The following RPA1 variants were observed in gnomAD, a reference collection of about 807,000 sequenced individuals.
RPA1 encodes the protein replication protein A1.
Under a neutral mutation model 83.0 loss-of-function variants are expected in RPA1, and 49 were observed. That is an observed-to-expected ratio of 0.59 (90% CI 0.47 to 0.75). RPA1 has a LOEUF of 0.75. RPA1 is among the 30% of genes least tolerant of loss of function. RPA1 has a pLI of 0.00. For missense variants in RPA1, 693 were observed against 776.1 expected, an observed-to-expected ratio of 0.89 and a Z score of 1.27; for synonymous variants, 279 against 281.8, an observed-to-expected ratio of 0.99 and a Z score of 0.10.
chr17:1,865,512 T>A (rs758851641), intron 5 of RPA1, among the ~76,000 whole-genome samples: 1 of 152,234 alleles, frequency 6.6e-6, no homozygotes, highest in Non-Finnish European at 1.5e-5. Flanking sequence ...TAATCTTGAA[T>A]AGATAATATG....
chr17:1,843,596 T>TTTATTATTA (rs1198896811), intron 2 of RPA1, among the ~76,000 whole-genome samples: 1 of 70,048 alleles, frequency 1.4e-5, no homozygotes, highest in African/African-American at 4.5e-5. Context: ...TATTGGGTGC[T>TTTATTATTA]TCATTATTAT....
intron 1 of RPA1, among the ~76,000 whole-genome samples, chr17:1,840,178 G>A (rs1437904850): frequency 6.6e-6 from 1 of 152,058 alleles, no homozygotes; most frequent in East Asian, 1.9e-4. Context: ...TTGTCACCCA[G>A]GCTGGAGTGC....
At chr17:1,880,402 T>C in intron 11 of RPA1, 141 bp from the exon 12 acceptor site, 2 of 774,778 alleles carry the variant, frequency 2.6e-6, no homozygotes, top group Non-Finnish European at 4.1e-6. Context: ...TAGATTCTCA[T>C]GTGTGAGGTC....
At chr17:1,892,036 T>G in intron 15 of RPA1, 96 bp downstream of exon 15, 1 of 716,248 alleles carries the variant, frequency 1.4e-6, no homozygotes, top group Non-Finnish European at 2.2e-6. Flanking sequence ...AGATGGAGTC[T>G]TGCCCTGTTT....
At chr17:1,867,008 G>A (rs903160556) in intron 5 of RPA1, among the ~76,000 whole-genome samples, 2 of 152,204 alleles carry the variant, frequency 1.3e-5, no homozygotes, top group Admixed American at 6.5e-5. Context: ...AGAGTGGGAA[G>A]ATGTGGGGCT....
chr17:1,863,174 C>T (rs543610886), intron 5 of RPA1, among the ~76,000 whole-genome samples: 9 of 107,348 alleles, frequency 8.4e-5, no homozygotes, highest in East Asian at 5.5e-4. Context: ...TGAACCACCA[C>T]GCCCAACTAA....
At chr17:1,869,796 C>A (rs1913312052) in intron 5 of RPA1, among the ~76,000 whole-genome samples, 1 of 152,154 alleles carries the variant, frequency 6.6e-6, no homozygotes, top group African/African-American at 2.4e-5. Flanking sequence ...TTGCCATTCA[C>A]AACATGCACT....
Position 1,884,631 on chromosome 17 carries a change from GTAT to G in RPA1, c.1374+688_1374+690del, listed in dbSNP as rs1403304771. Among the ~76,000 whole-genome samples the G allele has an allele frequency of 6.6e-6, 1 of 151,982 alleles. No homozygotes were observed. The highest frequency in any genetic ancestry group is 2.4e-5 in the African/African-American group (1 of 41,352). The stretch of plus-strand genomic sequence containing the variant: ...TTCATTCCTCCTGTCTCATTTCACT[GTAT>G]ACCCTTATCCATCATTGTCAACAGC... On this transcript the variant is annotated intron_variant, in intron 13 of 16. Coordinates refer to ENST00000254719, the MANE Select transcript of RPA1 (RefSeq NM_002945.5). This position sits in a 1 kb window ranked among gnomAD's most constrained non-coding sequence, Gnocchi z 4.1.
At chr17:1,856,176 T>A (rs1026180965) in intron 5 of RPA1, among the ~76,000 whole-genome samples, 4 of 151,636 alleles carry the variant, frequency 2.6e-5, no homozygotes, top group African/African-American at 9.7e-5. Context: ...ATACAAAAAA[T>A]TAGCTGGATG....
rs188119734 is a variant in RPA1, at chr17:1,847,643, G to A, written c.272+2957G>A. Among the ~76,000 whole-genome samples, 7 of 152,222 alleles carry A rather than the reference G, an allele frequency of 4.6e-5. No homozygotes were observed. In the East Asian group the frequency reaches 5.8e-4, roughly 13 times the overall value. On this transcript the variant is annotated intron_variant, in intron 4 of 16. Transcript: ENST00000254719. ...TTAACGTGTTTATGCTTTTATTTCT[G>A]AATAACAGATCATTAGAATTTGTAT...
rs940434952 is a variant in RPA1, at chr17:1,898,077, C to G, written c.*902C>G. The G allele has an allele frequency of 6.6e-6, 1 of 152,166 alleles. No individual in the cohort carries two copies. Among genetic ancestry groups the G allele is most frequent in the Non-Finnish European group, 1.5e-5 (1 of 68,032 alleles). 9.4% of individuals were successfully genotyped at this position (152,166 alleles called of 1,614,324 possible). On this transcript the variant is annotated 3_prime_UTR_variant, in exon 17 of 17. Transcript: ENST00000254719. Reference sequence around the variant, plus strand: ...GTATATTCTTTGGTTGTGAATCCTACTTTCTTTGAATGCAAAGAGTTCCTA... The same window carrying G: ...GTATATTCTTTGGTTGTGAATCCTAGTTTCTTTGAATGCAAAGAGTTCCTA...
rs188661814 is a variant in RPA1, at chr17:1,869,431, G to A, written c.362-3003G>A. Among the ~76,000 whole-genome samples the A allele has an allele frequency of 1.4e-3, 216 of 152,202 alleles. 1 individual carries two copies. Among genetic ancestry groups the A allele is most frequent in the African/African-American group, 4.9e-3 (204 of 41,530 alleles). On this transcript the variant is annotated intron_variant, in intron 5 of 16. Transcript: ENST00000254719. ...CCAGCGCCTGTAATCCTAGCTACTC[G>A]GGAGGCTGAGGCAGGAGAATCTCTT...
At chr17:1,846,258 G>A (rs983778432) in intron 4 of RPA1, among the ~76,000 whole-genome samples, 2 of 150,616 alleles carry the variant, frequency 1.3e-5, no homozygotes, top group Non-Finnish European at 2.9e-5. Context: ...ATGTTGATCT[G>A]GAGAAGTCTT....
rs1195513543 is a variant in RPA1 at position 1,884,190 on chromosome 17, A to G, written c.1374+246A>G. Among the ~76,000 whole-genome samples, 1 of 152,184 alleles carries G rather than the reference A, an allele frequency of 6.6e-6. No individual in the cohort carries two copies. Among genetic ancestry groups the G allele is most frequent in the Non-Finnish European group, 1.5e-5 (1 of 68,030 alleles). ...TGAAGAACTCTTAGAGTCAATTCCTAGAGGGATCTTGGAGCAGGGGTGACA... is the reference window on the plus strand; with the variant it reads ...TGAAGAACTCTTAGAGTCAATTCCTGGAGGGATCTTGGAGCAGGGGTGACA... On this transcript the variant is annotated intron_variant, in intron 13 of 16. Coordinates refer to ENST00000254719, the MANE Select transcript of RPA1 (RefSeq NM_002945.5). This position sits in a 1 kb window ranked among gnomAD's most constrained non-coding sequence, Gnocchi z 4.1.
At position 1,879,235 on chromosome 17, in the gene RPA1, C is replaced by G; in HGVS notation, c.780C>G (p.Gly260=). ...EVNKVYYFSK[G]TLKIANKQFT... Reference sequence around the variant, plus strand: ...CGCAGGTGTATTATTTCTCGAAAGGCACCCTGAAGATTGCTAACAAGCAGT... The same window carrying G: ...CGCAGGTGTATTATTTCTCGAAAGGGACCCTGAAGATTGCTAACAAGCAGT... Residue 260 remains glycine (G), a synonymous_variant, in exon 10 of 17, where the codon GGC becomes GGG. Transcript: ENST00000254719. The G allele has an allele frequency of 6.2e-7, 1 of 1,613,870 alleles. No individual in the cohort carries two copies. The highest frequency in any genetic ancestry group is 8.5e-7 in the Non-Finnish European group (1 of 1,179,906).
intron 1 of RPA1, among the ~76,000 whole-genome samples, chr17:1,831,915 T>A (rs1246704812): frequency 7.5e-6 from 1 of 134,074 alleles, no homozygotes; most frequent in Admixed American, 7.5e-5. Context: ...TTTTTTTTTT[T>A]TTTTTTTTTG....
intron 1 of RPA1, among the ~76,000 whole-genome samples, chr17:1,835,956 GTC>G (rs919579161): frequency 6.6e-6 from 1 of 151,884 alleles, no homozygotes; most frequent in Non-Finnish European, 1.5e-5. Flanking sequence ...GCAAGATCCT[GTC>G]TCTATTTCAT....
At chr17:1,868,733 C>T (rs548107310) in intron 5 of RPA1, among the ~76,000 whole-genome samples, 2 of 152,054 alleles carry the variant, frequency 1.3e-5, no homozygotes, top group Non-Finnish European at 2.9e-5. Flanking sequence ...AGCGAGACCC[C>T]GTCTCAGGAA....
intron 1 of RPA1, among the ~76,000 whole-genome samples, chr17:1,835,764 C>T (rs1911794826): frequency 6.6e-6 from 1 of 152,094 alleles, no homozygotes; most frequent in Non-Finnish European, 1.5e-5. Flanking sequence ...TCATAATGCA[C>T]ATTTTTCGTG....
Sources: allele counts gnomAD v4.1 joint callset (sites outside exome capture counted in the v4.1 genomes callset), GRCh38; gene constraint gnomAD v4.1.1; non-coding constraint Gnocchi (gnomAD v3.1); transcripts MANE v1.5; gene names NCBI Gene and HGNC (gene_info 2026-07-23, HGNC 2026-07-21).